PDE8A: variants seen among roughly 807,000 people sequenced by gnomAD.
The protein encoded by PDE8A is phosphodiesterase 8A.
Under a neutral mutation model 105.0 loss-of-function variants are expected in PDE8A, and 59 were observed. The observed-to-expected ratio is 0.56, with a 90% CI of 0.46 to 0.70. PDE8A has a LOEUF of 0.70. Ranked by LOEUF, PDE8A falls within the 30% of genes least tolerant of loss-of-function variation. The pLI is 0.00. For missense variants in PDE8A, 1,014 were observed against 1,045.9 expected, an observed-to-expected ratio of 0.97 and a Z score of 0.42; for synonymous variants, 355 against 371.9, an observed-to-expected ratio of 0.95 and a Z score of 0.52.
At chr15:84,993,255 A>T (rs1011279586) in intron 1 of PDE8A, among the ~76,000 whole-genome samples, 6 of 151,588 alleles carry the variant, frequency 4.0e-5, no homozygotes, top group African/African-American at 1.5e-4. Context: ...CATCCTGGCT[A>T]ACACGGTGAA....
At chr15:85,048,570 T>C (rs2141412674) in intron 1 of PDE8A, among the ~76,000 whole-genome samples, 1 of 152,344 alleles carries the variant, frequency 6.6e-6, no homozygotes, top group Non-Finnish European at 1.5e-5. Flanking sequence ...TTTCTCTTCT[T>C]CCTGTCATTT....
In PDE8A at chr15:85,100,027, C is replaced by A; in HGVS notation, c.954C>A (p.His318Gln). The change falls in exon 10 of 22, where the codon CAC (histidine) becomes CAA (glutamine). Residue 318 changes from histidine (H) to glutamine (Q), a missense_variant. By Grantham distance (24) the His-to-Gln change is conservative. Transcript: ENST00000394553. ...TTTTTACTTGCAGAAAAATTAGACA[C>A]TATGTGTCCATTATCAGAGTGTGCA... ...PVIGQGGKIR[H>Q]YVSIIRVCNG... The A allele has an allele frequency of 7.4e-6, 12 of 1,612,666 alleles. No homozygotes were observed. The highest frequency in any genetic ancestry group is 1.0e-5 in the Non-Finnish European group (12 of 1,179,302).
At chr15:85,049,339 G>T (rs1421739513) in intron 1 of PDE8A, among the ~76,000 whole-genome samples, 1 of 152,026 alleles carries the variant, frequency 6.6e-6, no homozygotes, top group Non-Finnish European at 1.5e-5. Flanking sequence ...AATTAAACAA[G>T]AGCTTCCCCA....
chr15:85,036,829 C>A (rs1397874481), intron 1 of PDE8A, among the ~76,000 whole-genome samples: 3 of 152,052 alleles, frequency 2.0e-5, no homozygotes, highest in African/African-American at 4.8e-5. Context: ...ATCCATCAGG[C>A]CCCAAGAATG....
At chr15:85,118,275 C>G (rs10520585) in intron 17 of PDE8A, among the ~76,000 whole-genome samples, 27,166 of 152,086 alleles carry the variant, frequency 0.18, 3,202 homozygotes, top group Middle Eastern at 0.28. Context: ...TCTACCTAAT[C>G]CAGGGTTCCA....
chr15:85,055,385 G>GC (rs2141428756), intron 1 of PDE8A, among the ~76,000 whole-genome samples: 1 of 152,232 alleles, frequency 6.6e-6, no homozygotes, highest in South Asian at 2.1e-4. Context: ...CTGTCTTGTT[G>GC]ATCTGTCTAA....
At chr15:85,065,622 C>T (rs1429627409) in intron 2 of PDE8A, among the ~76,000 whole-genome samples, 2 of 152,174 alleles carry the variant, frequency 1.3e-5, no homozygotes, top group Non-Finnish European at 2.9e-5. Flanking sequence ...TAGTTCTTTG[C>T]ATGTATGGTC....
intron 19 of PDE8A, among the ~76,000 whole-genome samples, chr15:85,123,525 C>T (rs1408123858): frequency 6.6e-6 from 1 of 152,102 alleles, no homozygotes; most frequent in African/African-American, 2.4e-5. Context: ...CAGAGAGCAT[C>T]CAGCATGGGA....
intron 1 of PDE8A, 144 bp from the exon 2 acceptor site, chr15:85,064,226 A>G: frequency 1.7e-6 from 1 of 589,518 alleles, no homozygotes; most frequent in Non-Finnish European, 3.0e-6. Context: ...ATTCCTCATA[A>G]TCATTTCATT....
intron 1 of PDE8A, among the ~76,000 whole-genome samples, chr15:85,061,207 GCTTT>G (rs1279575031): frequency 2.0e-5 from 3 of 151,622 alleles, no homozygotes; most frequent in Non-Finnish European, 2.9e-5. Flanking sequence ...CTTTCTTGCT[GCTTT>G]CTTTTTTATT....
intron 20 of PDE8A, among the ~76,000 whole-genome samples, chr15:85,129,931 C>A (rs1050513529): frequency 2.6e-5 from 4 of 152,114 alleles, no homozygotes; most frequent in African/African-American, 9.7e-5. Context: ...TCTTTGACCC[C>A]TTGGTTGTTT....
intron 1 of PDE8A, 149 bp downstream of exon 1, chr15:84,982,497 C>T (rs1323820583): frequency 1.3e-5 from 6 of 471,938 alleles, no homozygotes; most frequent in Admixed American, 4.4e-5. Context: ...GCCAGTCTCC[C>T]GCCTTGCCGG....
chr15:85,120,744 C>T, intron 17 of PDE8A, 53 bp from the exon 18 acceptor site: 1 of 1,101,926 alleles, frequency 9.1e-7, no homozygotes, highest in Non-Finnish European at 1.3e-6. Context: ...ATACAGAAGG[C>T]TTCCTTGCCT....
intron 1 of PDE8A, among the ~76,000 whole-genome samples, chr15:85,014,866 C>G (rs2080298647): frequency 6.6e-6 from 1 of 152,092 alleles, no homozygotes; most frequent in African/African-American, 2.4e-5. Context: ...ACCACTAATC[C>G]TAGAATGTTT....
chr15:85,045,363 G>T (rs1044732366), intron 1 of PDE8A, among the ~76,000 whole-genome samples: 1 of 152,146 alleles, frequency 6.6e-6, no homozygotes, highest in African/African-American at 2.4e-5. Context: ...ACAGATTACG[G>T]CCAGGTTATT....
intron 2 of PDE8A, among the ~76,000 whole-genome samples, chr15:85,066,461 G>T (rs1056781442): frequency 6.6e-6 from 1 of 151,980 alleles, no homozygotes; most frequent in Non-Finnish European, 1.5e-5. Context: ...GCCACTGGGG[G>T]CTCTGAGGTA....
At chr15:85,101,515 A>T (rs982385074) in intron 11 of PDE8A, among the ~76,000 whole-genome samples, 1 of 152,210 alleles carries the variant, frequency 6.6e-6, no homozygotes, top group African/African-American at 2.4e-5. Flanking sequence ...TTGGGTCAAT[A>T]AGAATCCTTA....
intron 19 of PDE8A, among the ~76,000 whole-genome samples, chr15:85,125,581 G>A (rs2082246406): frequency 6.6e-6 from 1 of 152,180 alleles, no homozygotes; most frequent in South Asian, 2.1e-4. Flanking sequence ...CTGAGTCTCA[G>A]TGTCCTCATT....
In PDE8A at chr15:85,089,157, G is replaced by T. The variant is rs565207129; in HGVS notation, c.636-181G>T. 9.9e-5 allele frequency among the ~76,000 whole-genome samples: 15 copies of T among 152,254 alleles called. No homozygotes were observed. In the South Asian group the frequency reaches 3.1e-3, roughly 32 times the overall value. ...ATTGGAAGGAAAGATACCGCAGTGTGTACATAGTGGTGATTCCAGTGGAGG... is the reference window on the plus strand; with the variant it reads ...ATTGGAAGGAAAGATACCGCAGTGTTTACATAGTGGTGATTCCAGTGGAGG... On this transcript the variant is annotated intron_variant, in intron 6 of 21. Coordinates refer to ENST00000394553, the MANE Select transcript of PDE8A (RefSeq NM_002605.3).
Sources: allele counts gnomAD v4.1 joint callset (sites outside exome capture counted in the v4.1 genomes callset), GRCh38; gene constraint gnomAD v4.1.1; transcripts MANE v1.5; gene names NCBI Gene and HGNC (gene_info 2026-07-23, HGNC 2026-07-21).